The following IMMP2L variants were observed in gnomAD, a reference collection of about 807,000 sequenced individuals.
IMMP2L encodes inner mitochondrial membrane peptidase subunit 2.
Under a neutral mutation model 19.3 loss-of-function variants are expected in IMMP2L, and 18 were observed. The ratio of observed to expected loss-of-function variants is 0.93; its 90% confidence interval spans 0.64 to 1.38. IMMP2L has a LOEUF of 1.38. Ranked by LOEUF, IMMP2L falls within the 40% of genes most tolerant of loss-of-function variation. The pLI is 0.00. For missense variants in IMMP2L, 233 were observed against 218.2 expected (o/e 1.07, Z -0.43); for synonymous variants, 76 against 73.0 (o/e 1.04, Z -0.21).
Position 110,808,656 on chromosome 7 carries a change from A to C in IMMP2L, c.408+77937T>G, listed in dbSNP as rs1801804503. 2.0e-5 allele frequency among the ~76,000 whole-genome samples: 3 copies of C among 152,092 alleles called. No individual in the cohort carries two copies. In the South Asian group the frequency reaches 6.2e-4, roughly 31 times the overall value. ...CACCATTTCACTGAATACTAAACAG[A>C]AACTGGAAAAAGTTTGGAAACATAA... On this transcript the variant is annotated intron_variant, in intron 5 of 5. Transcript: ENST00000405709.
intron 2 of IMMP2L, among the ~76,000 whole-genome samples, chr7:111,509,261 T>C (rs1337971579): frequency 6.6e-6 from 1 of 152,164 alleles, no homozygotes; most frequent in Non-Finnish European, 1.5e-5. Context: ...GGCTCATTAA[T>C]CTTCATTAAT....
At chr7:110,677,226 G>A (rs1224973990) in intron 5 of IMMP2L, among the ~76,000 whole-genome samples, 2 of 149,122 alleles carry the variant, frequency 1.3e-5, no homozygotes, top group Admixed American at 6.6e-5. Flanking sequence ...ACAGATGCAT[G>A]GTTTAAGTAA....
At chr7:110,794,437 G>T (rs1310594865) in intron 5 of IMMP2L, among the ~76,000 whole-genome samples, 1 of 152,028 alleles carries the variant, frequency 6.6e-6, no homozygotes, top group Non-Finnish European at 1.5e-5. Context: ...ATGACATTCT[G>T]GATATACACA....
intron 3 of IMMP2L, among the ~76,000 whole-genome samples, chr7:111,424,817 C>T (rs1835910911): frequency 6.6e-6 from 1 of 151,778 alleles, no homozygotes; most frequent in Admixed American, 6.6e-5. Context: ...TTTGACTTTG[C>T]AACTTTTGTA....
intron 3 of IMMP2L, among the ~76,000 whole-genome samples, chr7:111,387,673 T>A (rs942684342): frequency 6.6e-6 from 1 of 151,948 alleles, no homozygotes; most frequent in African/African-American, 2.4e-5. Flanking sequence ...GAATAATAAT[T>A]TTTTTTACAA....
At chr7:111,324,058 G>A (rs757092070) in intron 3 of IMMP2L, among the ~76,000 whole-genome samples, 2 of 151,956 alleles carry the variant, frequency 1.3e-5, no homozygotes, top group Non-Finnish European at 1.5e-5. Flanking sequence ...GAGTTAATGG[G>A]TGCAGAACAC....
intron 5 of IMMP2L, among the ~76,000 whole-genome samples, chr7:110,682,706 C>T (rs1362201130): frequency 6.6e-6 from 1 of 152,018 alleles, no homozygotes; most frequent in Non-Finnish European, 1.5e-5. Context: ...CTATTGAATG[C>T]CACAGAAGAT....
At chr7:111,257,495 C>T (rs1404484071) in intron 3 of IMMP2L, among the ~76,000 whole-genome samples, 1 of 152,122 alleles carries the variant, frequency 6.6e-6, no homozygotes, top group African/African-American at 2.4e-5. Context: ...ATAATTCAGG[C>T]AGCATTGGAT....
intron 3 of IMMP2L, among the ~76,000 whole-genome samples, chr7:111,033,611 CA>C (rs1456304101): frequency 6.6e-6 from 1 of 152,056 alleles, no homozygotes; most frequent in African/African-American, 2.4e-5. Context: ...TACATCCATA[CA>C]ACAGAATATT....
chr7:111,176,426 T>C (rs11981589), intron 3 of IMMP2L, among the ~76,000 whole-genome samples: 114,387 of 151,534 alleles, frequency 0.75, 45,734 homozygotes, highest in East Asian at 0.9. Context: ...CACAATGGAG[T>C]ACTATTCGAC....
At chr7:111,140,967 T>C (rs964750540) in intron 3 of IMMP2L, among the ~76,000 whole-genome samples, 2 of 152,182 alleles carry the variant, frequency 1.3e-5, no homozygotes, top group Non-Finnish European at 2.9e-5. Context: ...CTATGAGACA[T>C]AGTACAGAAC....
At chr7:110,895,243 C>T (rs1811207054) in intron 4 of IMMP2L, among the ~76,000 whole-genome samples, 1 of 152,150 alleles carries the variant, frequency 6.6e-6, no homozygotes. Context: ...GATCTGCCCC[C>T]ATAATTCAAT....
At chr7:110,746,520 A>G (rs915716752) in intron 5 of IMMP2L, among the ~76,000 whole-genome samples, 2 of 152,236 alleles carry the variant, frequency 1.3e-5, no homozygotes, top group Non-Finnish European at 2.9e-5. Flanking sequence ...AACATGCCAC[A>G]GCAAATGCAA....
At chr7:111,356,577 A>G (rs2130938453) in intron 3 of IMMP2L, among the ~76,000 whole-genome samples, 1 of 152,270 alleles carries the variant, frequency 6.6e-6, no homozygotes, top group East Asian at 1.9e-4. Flanking sequence ...TTAAATCCCA[A>G]TTGTACGCTT....
intron 3 of IMMP2L, among the ~76,000 whole-genome samples, chr7:111,239,691 T>C (rs990411867): frequency 6.6e-6 from 1 of 151,932 alleles, no homozygotes; most frequent in African/African-American, 2.4e-5. Flanking sequence ...CATTTTCAAC[T>C]GCCTGTGTTT....
intron 3 of IMMP2L, among the ~76,000 whole-genome samples, chr7:111,233,366 T>C (rs191161790): frequency 6.6e-6 from 1 of 152,250 alleles, no homozygotes; most frequent in Admixed American, 6.5e-5. Context: ...CTCAAATTGC[T>C]TTTTGTAATA....
intron 4 of IMMP2L, among the ~76,000 whole-genome samples, chr7:110,908,729 T>C (rs1812737088): frequency 6.6e-6 from 1 of 152,242 alleles, no homozygotes; most frequent in Non-Finnish European, 1.5e-5. Context: ...TTAGAAGGTT[T>C]AGATAACAGG....
At chr7:111,031,407 T>TGTGTGTGTGTGTGTGAAA (rs147571783) in intron 3 of IMMP2L, among the ~76,000 whole-genome samples, 2 of 147,102 alleles carry the variant, frequency 1.4e-5, no homozygotes, top group Non-Finnish European at 1.5e-5. Context: ...TGTGTGTGTG[T>TGTGTGTGTGTGTGTGAAA]GAGAGAAAGA....
chr7:111,016,084 G>A (rs926079106), intron 3 of IMMP2L, among the ~76,000 whole-genome samples: 2 of 151,964 alleles, frequency 1.3e-5, no homozygotes, highest in African/African-American at 4.8e-5. Context: ...ATAAAAATAT[G>A]AAATTCTCTT....
Sources: gnomAD v4.1 joint callset for allele counts (sites outside exome capture counted in the v4.1 genomes callset) on GRCh38, gnomAD v4.1.1 for gene constraint, MANE v1.5 for transcripts, NCBI Gene and HGNC (gene_info 2026-07-23, HGNC 2026-07-21) for gene names.